Variants in LCT observed in about 807,000 individuals in gnomAD.
The protein encoded by LCT is lactase.
A neutral mutation model predicts 173.0 loss-of-function variants in LCT; 90 were observed. The ratio of observed to expected loss-of-function variants is 0.52; its 90% CI spans 0.44 to 0.62. The LOEUF is 0.62. LCT is among the 20% of genes least tolerant of loss of function. The pLI is 0.00. For synonymous variants in LCT, 853 were observed against 957.6 expected, an observed-to-expected ratio of 0.89 and a Z score of 2.02; for missense variants, 1,864 against 2,431.4, an observed-to-expected ratio of 0.77 and a Z score of 4.91.
intron 7 of LCT, chr2:135,810,268 C>T (rs1575339809): frequency 2.6e-6 from 1 of 387,130 alleles, no homozygotes; most frequent in Non-Finnish European, 4.6e-6. Flanking sequence ...AAGTTATTAC[C>T]TCGGACCAGC....
At chr2:135,831,809 G>A (rs11886852) in intron 2 of LCT, among the ~76,000 whole-genome samples, 41,834 of 152,108 alleles carry the variant, frequency 0.28, 7,166 homozygotes, top group African/African-American at 0.45. Flanking sequence ...GCACCAGGGC[G>A]ATGCTGCAGA....
chr2:135,807,063 G>A (rs1169103471), intron 9 of LCT, 65 bp downstream of exon 9: 18 of 1,572,622 alleles, frequency 1.1e-5, no homozygotes, highest in Non-Finnish European at 1.5e-5. Context: ...TCCCAGCACT[G>A]AGCCCAGAGC....
intron 2 of LCT, 59 bp from the exon 3 acceptor site, chr2:135,829,735 T>C: frequency 8.8e-7 from 1 of 1,139,588 alleles, no homozygotes; most frequent in South Asian, 1.2e-5. Flanking sequence ...ACTAACAGCC[T>C]CTCAGAAGTA....
chr2:135,802,829 A>C (rs1558735066), intron 11 of LCT, among the ~76,000 whole-genome samples: 1 of 152,138 alleles, frequency 6.6e-6, no homozygotes, highest in South Asian at 2.1e-4. Flanking sequence ...ACAATAATTT[A>C]GGCTGGGTGC....
intron 16 of LCT, among the ~76,000 whole-genome samples, 181 bp from the exon 17 acceptor site, chr2:135,788,725 T>C (rs1207586406): frequency 6.6e-6 from 1 of 152,198 alleles, no homozygotes; most frequent in Non-Finnish European, 1.5e-5. Flanking sequence ...AGTTAAGCAG[T>C]TGTATTTTTT....
intron 13 of LCT, among the ~76,000 whole-genome samples, chr2:135,796,983 C>T (rs2077587306): frequency 6.8e-6 from 1 of 146,428 alleles, no homozygotes; most frequent in African/African-American, 2.5e-5. Flanking sequence ...AGTCTTGCTC[C>T]ATCGTCCAGG....
chr2:135,832,028 C>A (rs2077945209), intron 2 of LCT, among the ~76,000 whole-genome samples: 1 of 152,008 alleles, frequency 6.6e-6, no homozygotes. Context: ...ACAAGCCTGA[C>A]CAACATGGTG....
intron 14 of LCT, 107 bp downstream of exon 14, chr2:135,794,534 G>A (rs1384068015): frequency 1.1e-5 from 13 of 1,186,044 alleles, no homozygotes; most frequent in Non-Finnish European, 1.6e-5. Context: ...GGCACATTCG[G>A]CGTTGGAGGC....
At chr2:135,804,627 G>T (rs2077653148) in intron 10 of LCT, 140 bp downstream of exon 10, 11 of 847,930 alleles carry the variant, frequency 1.3e-5, no homozygotes, top group Non-Finnish European at 2.0e-5. Flanking sequence ...GTGACAGAGC[G>T]AGACTACGTC....
chr2:135,827,740 G>C lies in LCT; in HGVS notation c.804+1853C>G, dbSNP rs1052133365. 3.9e-5 allele frequency among the ~76,000 whole-genome samples: 6 copies of C among 152,306 alleles called. No homozygotes were observed. The South Asian group carries it at 6.2e-4, about 16-fold the overall frequency. ...ATCTGACAGGAGGTGGAACTCAGGT[G>C]GTAATGCTTGCTCGCCTGCCACTCA... On this transcript the variant is annotated intron_variant, in intron 3 of 16. Transcript: ENST00000264162.
chr2:135,814,736 C>T (rs2077765119), intron 6 of LCT, among the ~76,000 whole-genome samples: 2 of 151,900 alleles, frequency 1.3e-5, no homozygotes, highest in African/African-American at 2.4e-5. Context: ...AGGCTGGTCT[C>T]GAACCCCTGA....
chr2:135,814,306 T>C (rs547275871), intron 6 of LCT, among the ~76,000 whole-genome samples: 2 of 152,276 alleles, frequency 1.3e-5, no homozygotes, highest in East Asian at 3.9e-4. Flanking sequence ...AAAGCAAGGA[T>C]GTCTTTCTTC....
Position 135,788,149 on chromosome 2 carries a change from T to G in LCT, c.*175A>C. 1 of 662,118 alleles carries G rather than the reference T, an allele frequency of 1.5e-6. No homozygotes were observed. Among genetic ancestry groups the G allele is most frequent in the South Asian group, 1.7e-5 (1 of 57,472 alleles). 41.0% of individuals were successfully genotyped at this position (662,118 alleles called of 1,614,324 possible). A position where few individuals can be genotyped will look rare whatever the true frequency, so the allele number is the denominator to read the frequency against. Reference sequence around the variant, plus strand: ...GATACTGGAGCAAGATGGAGATATTTCCATTTTACTCAGCAAGTCGAAATC... The same window carrying G: ...GATACTGGAGCAAGATGGAGATATTGCCATTTTACTCAGCAAGTCGAAATC... On this transcript the variant is annotated 3_prime_UTR_variant, in exon 17 of 17. Coordinates refer to ENST00000264162, the MANE Select transcript of LCT (RefSeq NM_002299.4).
chr2:135,812,294 A>G lies in LCT; in HGVS notation c.2353+17T>C. On this transcript the variant is annotated intron_variant, in intron 7 of 16. Transcript: ENST00000264162. ...TACCACCCACCTTCCAATCACTGGC[A>G]CATCCATTGTTCTTACCCTTGAGCA... 6.2e-7 allele frequency: 1 copy of G among 1,604,800 alleles called. No individual in the cohort carries two copies. The highest frequency in any genetic ancestry group is 8.5e-7 in the Non-Finnish European group (1 of 1,171,504).
chr2:135,821,925 T>G, intron 5 of LCT, 95 bp downstream of exon 5: 2 of 816,132 alleles, frequency 2.5e-6, no homozygotes, highest in Non-Finnish European at 4.3e-6. Flanking sequence ...GCCCAAGAGT[T>G]GATGACAACA....
In LCT at chr2:135,817,794, G is replaced by A. The variant is rs2077793278; in HGVS notation, c.1254C>T (p.Asn418=). The part of the protein sequence containing the change: ...VSIWDPRRPL[N]TTEGQATLEV... ...CCAGCGTCGCTTGGCCCTCAGTGGT[G>A]TTCAGGGGCCTGCGTGGATCCCAGA... The change falls in exon 6 of 17, where the codon AAC becomes AAT. Residue 418 remains asparagine, a synonymous_variant. Coordinates refer to ENST00000264162, the MANE Select transcript of LCT (RefSeq NM_002299.4). The A allele has an allele frequency of 1.2e-6, 2 of 1,614,032 alleles. No homozygotes were observed. Among genetic ancestry groups the A allele is most frequent in the Non-Finnish European group, 1.7e-6 (2 of 1,180,028 alleles).
In LCT at chr2:135,809,100, C is replaced by T. The variant is rs1234611287; in HGVS notation, c.3247G>A (p.Val1083Met). Residue 1083 changes from valine (V) to methionine (M), a missense_variant, in exon 8 of 17, where the codon GTG (valine) becomes ATG (methionine). Physicochemically the swap from Val to Met is conservative, Grantham distance 21. Coordinates refer to ENST00000264162, the MANE Select transcript of LCT (RefSeq NM_002299.4). This position sits in a 1 kb window ranked among gnomAD's most constrained non-coding sequence, Gnocchi z 5.5. Reference protein sequence around the residue: ...GYGSGEFPPGVKDPGWAPYRI... With the variant: ...GYGSGEFPPGMKDPGWAPYRI... Reference sequence around the variant, plus strand: ...TATGGTGCCCAGCCTGGGTCCTTCACCCCTGGGGGAAATTCCCCTGAGCCA... The same window carrying T: ...TATGGTGCCCAGCCTGGGTCCTTCATCCCTGGGGGAAATTCCCCTGAGCCA... 6.2e-7 allele frequency: 1 copy of T among 1,613,988 alleles called. No homozygotes were observed. The highest frequency in any genetic ancestry group is 1.3e-5 in the African/African-American group (1 of 74,940).
chr2:135,813,880 T>A (rs2077756310), intron 6 of LCT, among the ~76,000 whole-genome samples: 1 of 152,250 alleles, frequency 6.6e-6, no homozygotes, highest in Non-Finnish European at 1.5e-5. Context: ...TAACTCATGC[T>A]CTTACAAACA....
chr2:135,794,674 T>C lies in LCT; in HGVS notation c.5078A>G (p.Tyr1693Cys). ...ATCAAAAGAAGAGATGGCAGTGGCA[T>C]AGTTGAGGTTGTAGGCGAGGACAGT... is the stretch of plus-strand genomic sequence containing the variant. Reference protein sequence around the residue: ...YTTVLAYNLNYATAISSFDAD... With the variant: ...YTTVLAYNLNCATAISSFDAD... Residue 1693 changes from tyrosine to cysteine, a missense_variant, in exon 14 of 17, where the codon TAT becomes TGT. By Grantham distance (194) the Tyr-to-Cys change is radical. This residue lies in a region of LCT where 514 missense variants were observed against 750.1 expected (regional missense o/e 0.69). Transcript: ENST00000264162. The C allele has an allele frequency of 6.8e-6, 11 of 1,614,102 alleles. No individual in the cohort carries two copies. Among genetic ancestry groups the C allele is most frequent in the Non-Finnish European group, 9.3e-6 (11 of 1,179,988 alleles).
Sources: allele counts gnomAD v4.1 joint callset (sites outside exome capture counted in the v4.1 genomes callset), GRCh38; gene constraint gnomAD v4.1.1; regional missense constraint gnomAD v4.1.1; non-coding constraint Gnocchi (gnomAD v3.1); transcripts MANE v1.5; gene names NCBI Gene and HGNC (gene_info 2026-07-23, HGNC 2026-07-21).